Variants in CLCF1 observed in about 807,000 individuals in gnomAD.
CLCF1 encodes the protein cardiotrophin-like cytokine factor 1.
A neutral mutation model predicts 21.2 loss-of-function variants in CLCF1; 10 were observed. That is an observed-to-expected ratio of 0.47 (90% CI 0.29 to 0.80). CLCF1 has a LOEUF of 0.80. Among genes scored for constraint, CLCF1 ranks in the 30% least tolerant of loss-of-function variants. CLCF1 has a pLI of 0.09. For synonymous variants in CLCF1, 115 were observed against 120.5 expected, an observed-to-expected ratio of 0.95 and a Z score of 0.30; for missense variants, 240 against 293.4, an observed-to-expected ratio of 0.82 and a Z score of 1.33.
Position 67,365,292 on chromosome 11 carries a change from G to A in CLCF1, c.522C>T (p.Ala174=), listed in dbSNP as rs761340220. ...GTEPTWTPGP[A]HSDFLQKMDD... is the part of the protein sequence containing the mutation. ...CCATCTTCTGGAGGAAGTCACTGTG[G>A]GCAGGGCCAGGAGTCCAAGTGGGTT... The change falls in exon 3 of 3, where the codon GCC becomes GCT. Residue 174 remains alanine, a synonymous_variant. Transcript: ENST00000312438. The surrounding 1 kb of genome is among the most constrained non-coding windows in gnomAD (Gnocchi z 5.0). 165 of 1,613,778 alleles carry A rather than the reference G, an allele frequency of 1.0e-4. No homozygotes were observed. Among genetic ancestry groups the A allele is most frequent in the Non-Finnish European group, 1.3e-4 (159 of 1,180,054 alleles).
intron 1 of CLCF1, chr11:67,369,175 A>T: frequency 1.0e-6 from 1 of 985,330 alleles, no homozygotes; most frequent in Non-Finnish European, 1.2e-6. Context: ...TGTATAAAAC[A>T]TCTCTTATGG....
chr11:67,369,805 C>T (rs1862190657), intron 1 of CLCF1: 1 of 985,446 alleles, frequency 1.0e-6, no homozygotes. Context: ...AGGAACCCAG[C>T]TCAGAACTTA....
intron 1 of CLCF1, chr11:67,369,747 T>C (rs1221611130): frequency 2.0e-6 from 2 of 985,326 alleles, no homozygotes; most frequent in African/African-American, 3.5e-5. Context: ...ACCCACATGC[T>C]GGCCGGAGTT....
chr11:67,366,811 G>A (rs1053679473), intron 2 of CLCF1, among the ~76,000 whole-genome samples: 1 of 152,070 alleles, frequency 6.6e-6, no homozygotes, highest in African/African-American at 2.4e-5. Flanking sequence ...AGAGGAACAC[G>A]GGAAGAGGGG....
In CLCF1 at chr11:67,365,809, G is replaced by T. The variant is rs568974059; in HGVS notation, c.184-179C>A. On this transcript the variant is annotated intron_variant, in intron 2 of 2. Coordinates refer to ENST00000312438, the MANE Select transcript of CLCF1 (RefSeq NM_013246.3). The surrounding 1 kb of genome is among the most constrained non-coding windows in gnomAD (Gnocchi z 5.0). ...TTTCCAATAAGGATATCATTTGTAT[G>T]CAGGTGACAGTTGAAGCAGTGGCGG... Among the ~76,000 whole-genome samples the T allele has an allele frequency of 6.6e-6, 1 of 152,326 alleles. No individual in the cohort carries two copies. The highest frequency in any genetic ancestry group is 2.4e-5 in the African/African-American group (1 of 41,572).
At position 67,365,776 on chromosome 11, in the gene CLCF1, CCT is replaced by C; in HGVS notation, c.184-148_184-147del. The C allele has an allele frequency of 8.0e-7, 1 of 1,253,712 alleles. No homozygotes were observed. Among genetic ancestry groups the C allele is most frequent in the East Asian group, 2.5e-5 (1 of 39,712 alleles). 77.7% of individuals were successfully genotyped at this position (1,253,712 alleles called of 1,614,324 possible). A position where few individuals can be genotyped will look rare whatever the true frequency, so the allele number is the denominator to read the frequency against. The stretch of plus-strand genomic sequence containing the variant: ...GCTAGGCTTCTTTGTTCATGGCCTC[CCT>C]GAGTTTTTCCAATAAGGATATCATT... On this transcript the variant is annotated intron_variant, in intron 2 of 2. Transcript: ENST00000312438. This position sits in a 1 kb window ranked among gnomAD's most constrained non-coding sequence, Gnocchi z 5.0.
At chr11:67,369,751 C>G in intron 1 of CLCF1, 1 of 985,426 alleles carries the variant, frequency 1.0e-6, no homozygotes, top group Non-Finnish European at 1.2e-6. Context: ...ACATGCTGGC[C>G]GGAGTTCTAG....
intron 2 of CLCF1, among the ~76,000 whole-genome samples, chr11:67,367,079 GAGCTGGAACGC>G (rs1862122652): frequency 6.6e-6 from 1 of 152,144 alleles, no homozygotes; most frequent in Non-Finnish European, 1.5e-5. Context: ...GGGCAGAGGC[GAGCTGGAACGC>G]AGGCATGGGA....
chr11:67,372,596 G>A lies in CLCF1; in HGVS notation c.16+928C>T, dbSNP rs2134902065. ...CCCGGCCCCGCCCCCTCCCGCTCCCGCCCGGTCGCTCCTTCCCCGCGGCGG... is the reference window on the plus strand; with the variant it reads ...CCCGGCCCCGCCCCCTCCCGCTCCCACCCGGTCGCTCCTTCCCCGCGGCGG... On this transcript the variant is annotated intron_variant, in intron 1 of 2. Coordinates refer to ENST00000312438, the MANE Select transcript of CLCF1 (RefSeq NM_013246.3). The surrounding 1 kb of genome is among the most constrained non-coding windows in gnomAD (Gnocchi z 5.9). 6.8e-6 allele frequency among the ~76,000 whole-genome samples: 1 copy of A among 146,596 alleles called. No homozygotes were observed. Among genetic ancestry groups the A allele is most frequent in the Admixed American group, 6.7e-5 (1 of 15,010 alleles).
rs1862253881 is a variant in CLCF1, at chr11:67,372,312, G to C, written c.16+1212C>G. On this transcript the variant is annotated intron_variant, in intron 1 of 2. Coordinates refer to ENST00000312438, the MANE Select transcript of CLCF1 (RefSeq NM_013246.3). The surrounding 1 kb of genome is among the most constrained non-coding windows in gnomAD (Gnocchi z 5.9). ...GCCAGGCTGGGAGCTGGGGGAACAG[G>C]GGTCCTCTGGGATTGGGAGGGTCTG... 6.6e-6 allele frequency among the ~76,000 whole-genome samples: 1 copy of C among 152,100 alleles called. No homozygotes were observed.
rs781167028 is a variant in CLCF1 at position 67,367,598 on chromosome 11, C to T, written c.45G>A (p.Leu15=). The change falls in exon 2 of 3, where the codon CTG becomes CTA. Residue 15 remains leucine (L), a synonymous_variant. Transcript: ENST00000312438. ...AGDSWGMLAC[L]CTVLWHLPAV... ...CAGGGAGGTGCCAGAGCACCGTGCA[C>T]AGGCACGCTAACATCCCCCACGAGT... The T allele has an allele frequency of 5.6e-6, 9 of 1,613,626 alleles. No individual in the cohort carries two copies. The highest frequency in any genetic ancestry group is 3.3e-5 in the Admixed American group (2 of 60,000).
At chr11:67,373,436 G>T in intron 1 of CLCF1, 88 bp downstream of exon 1, 1 of 704,826 alleles carries the variant, frequency 1.4e-6, no homozygotes, top group Non-Finnish European at 2.2e-6. Flanking sequence ...CCCGGCGCGG[G>T]GCTCCCGGGG....
At chr11:67,367,947 C>G (rs1255476498) in intron 1 of CLCF1, 1 of 984,700 alleles carries the variant, frequency 1.0e-6, no homozygotes, top group Non-Finnish European at 1.2e-6. Context: ...TATGTGTGTA[C>G]ATGGAGGGAC....
upstream of CLCF1, chr11:67,373,778 G>A: frequency 9.0e-7 from 1 of 1,106,182 alleles, no homozygotes; most frequent in Non-Finnish European, 1.1e-6. Context: ...CCCCGGGGTG[G>A]GGGTAGGAGG....
At chr11:67,370,309 C>T in intron 1 of CLCF1, 1 of 985,284 alleles carries the variant, frequency 1.0e-6, no homozygotes, top group Non-Finnish European at 1.2e-6. Flanking sequence ...CTGGAGCCCT[C>T]ATCCATCCTC....
Position 67,365,054 on chromosome 11 carries a change from C to T in CLCF1, c.*82G>A. 6.2e-7 allele frequency: 1 copy of T among 1,602,432 alleles called. No homozygotes were observed. The highest frequency in any genetic ancestry group is 1.1e-5 in the South Asian group (1 of 90,084). On this transcript the variant is annotated 3_prime_UTR_variant, in exon 3 of 3. Transcript: ENST00000312438. The surrounding 1 kb of genome is among the most constrained non-coding windows in gnomAD (Gnocchi z 5.0). ...GGCTCACAGCTTCTGTCTCCTGGCT[C>T]AACAGGTGTTGGCATACAGGGCTGG...
chr11:67,367,960 G>A, intron 1 of CLCF1: 1 of 985,404 alleles, frequency 1.0e-6, no homozygotes, highest in Non-Finnish European at 1.2e-6. Flanking sequence ...GGAGGGACGG[G>A]GCCAGGCCTA....
chr11:67,373,457 G>T, intron 1 of CLCF1, 67 bp downstream of exon 1: 1 of 915,888 alleles, frequency 1.1e-6, no homozygotes, highest in Non-Finnish European at 1.6e-6. Context: ...GTCAGGGCAG[G>T]ACGGGAACCG....
rs1862268390 is a variant in CLCF1 at position 67,372,820 on chromosome 11, G to A, written c.16+704C>T. 1.3e-5 allele frequency among the ~76,000 whole-genome samples: 2 copies of A among 149,824 alleles called. No individual in the cohort carries two copies. The highest frequency in any genetic ancestry group is 4.9e-5 in the African/African-American group (2 of 41,096). ...CCCGCCAAACAATAATCACTCCCAG[G>A]CCACGGTGGCCCGGGGGACTCGCGG... On this transcript the variant is annotated intron_variant, in intron 1 of 2. Transcript: ENST00000312438. This position sits in a 1 kb window ranked among gnomAD's most constrained non-coding sequence, Gnocchi z 5.9.
Sources: gnomAD v4.1 joint callset for allele counts (sites outside exome capture counted in the v4.1 genomes callset) on GRCh38, gnomAD v4.1.1 for gene constraint, Gnocchi (gnomAD v3.1) non-coding constraint, MANE v1.5 for transcripts, NCBI Gene and HGNC (gene_info 2026-07-23, HGNC 2026-07-21) for gene names.